Variants in EZH1 observed in about 807,000 individuals in gnomAD.
The protein encoded by EZH1 is enhancer of zeste 1 polycomb repressive complex 2 subunit.
EZH1 carries 33 observed loss-of-function variants against 100.5 expected under a neutral mutation model. The observed-to-expected ratio is 0.33, with a 90% CI of 0.25 to 0.44. The LOEUF (loss-of-function observed/expected upper bound fraction) is 0.44, where lower values mean the gene tolerates loss of function less well. Ranked by LOEUF, EZH1 falls within the 20% of genes least tolerant of loss-of-function variation. EZH1 has a pLI of 1.00. For missense variants in EZH1, 475 were observed against 928.4 expected, an observed-to-expected ratio of 0.51 and a Z score of 6.35; for synonymous variants, 272 against 313.8, an observed-to-expected ratio of 0.87 and a Z score of 1.41.
At chr17:42,705,234 G>T (rs778869160) in intron 16 of EZH1, 51 bp from the exon 17 acceptor site, 4 of 1,037,810 alleles carry the variant, frequency 3.9e-6, no homozygotes, top group Admixed American at 1.7e-5. Flanking sequence ...ATGAGTAGGG[G>T]GTGTGTGCTG....
intron 15 of EZH1, among the ~76,000 whole-genome samples, chr17:42,707,308 T>C (rs2053377245): frequency 6.6e-6 from 1 of 152,136 alleles, no homozygotes; most frequent in African/African-American, 2.4e-5. Context: ...TTGCCCAGGC[T>C]GGAGTGCAGT....
At chr17:42,727,214 G>A (rs2053838058) in intron 4 of EZH1, among the ~76,000 whole-genome samples, 1 of 152,098 alleles carries the variant, frequency 6.6e-6, no homozygotes, top group Admixed American at 6.6e-5. Flanking sequence ...TAAAATAGCT[G>A]TATCTATTAA....
At chr17:42,731,563 T>G (rs1048473819) in intron 1 of EZH1, among the ~76,000 whole-genome samples, 13 of 152,114 alleles carry the variant, frequency 8.5e-5, no homozygotes, top group African/African-American at 3.1e-4. Flanking sequence ...TTGGGTTTCT[T>G]AGATAACTAG....
At chr17:42,712,198 C>A (rs764216373) in intron 12 of EZH1, 91 bp downstream of exon 12, 4 of 1,380,402 alleles carry the variant, frequency 2.9e-6, no homozygotes, top group Non-Finnish European at 4.0e-6. Flanking sequence ...CTCTCCAGAC[C>A]CAGACACACA....
chr17:42,724,503 G>C lies in EZH1; in HGVS notation c.247-79C>G. ...AGAAATGTAATTTCCTTCCAAAATT[G>C]GCTGGGCATAGTGGCTCATGCCAGT... On this transcript the variant is annotated intron_variant, in intron 4 of 20. Transcript: ENST00000428826. 1.9e-6 allele frequency: 3 copies of C among 1,555,436 alleles called. No homozygotes were observed. In the South Asian group the frequency reaches 3.4e-5, roughly 18 times the overall value.
chr17:42,709,594 G>C, intron 13 of EZH1: 1 of 404,200 alleles, frequency 2.5e-6, no homozygotes, highest in South Asian at 4.6e-5. Flanking sequence ...ATGTCCTATT[G>C]GCCAGAAGCT....
chr17:42,707,722 G>A (rs984488016), intron 15 of EZH1, among the ~76,000 whole-genome samples: 1 of 152,072 alleles, frequency 6.6e-6, no homozygotes, highest in Non-Finnish European at 1.5e-5. Context: ...AGAAGACAAA[G>A]TTGGGAAAGT....
chr17:42,741,968 G>A (rs887311344), intron 1 of EZH1, among the ~76,000 whole-genome samples: 4 of 152,154 alleles, frequency 2.6e-5, no homozygotes, highest in Admixed American at 6.6e-5. Flanking sequence ...TGGGATTACA[G>A]GCATGAGCCA....
At chr17:42,732,406 G>A (rs143737107) in intron 1 of EZH1, among the ~76,000 whole-genome samples, 2 of 152,300 alleles carry the variant, frequency 1.3e-5, no homozygotes, top group East Asian at 3.9e-4. Context: ...GCCAAGCTGA[G>A]AGGATAGCCT....
At chr17:42,743,726 G>A (rs2054222814) in intron 1 of EZH1, among the ~76,000 whole-genome samples, 1 of 151,624 alleles carries the variant, frequency 6.6e-6, no homozygotes, top group Non-Finnish European at 1.5e-5. Context: ...TGGGCCTCCC[G>A]AATGCTGGGA....
At chr17:42,733,032 CAAA>C (rs35232752) in intron 1 of EZH1, among the ~76,000 whole-genome samples, 14 of 103,222 alleles carry the variant, frequency 1.4e-4, no homozygotes, top group African/African-American at 2.2e-4. Context: ...ACCATCTCTA[CAAA>C]AAAAAAAAAA....
At chr17:42,724,243 G>A (rs1292062818) in intron 5 of EZH1, 62 bp downstream of exon 5, 1 of 1,589,646 alleles carries the variant, frequency 6.3e-7, no homozygotes, top group Non-Finnish European at 8.6e-7. Context: ...GAGGAGCTCT[G>A]GCATATCAAC....
chr17:42,732,647 AGTCCCAGC>A (rs2053974115), intron 1 of EZH1, among the ~76,000 whole-genome samples: 2 of 152,128 alleles, frequency 1.3e-5, no homozygotes, highest in Non-Finnish European at 2.9e-5. Flanking sequence ...GGGCGCCTGT[AGTCCCAGC>A]TACTTGGGAG....
At chr17:42,730,347 G>A (rs2053914957) in intron 2 of EZH1, among the ~76,000 whole-genome samples, 1 of 152,118 alleles carries the variant, frequency 6.6e-6, no homozygotes, top group Non-Finnish European at 1.5e-5. Flanking sequence ...TTTACCACAT[G>A]CCTAGTAATA....
Position 42,719,227 on chromosome 17 carries a change from A to G in EZH1, c.665-20T>C. ...TGTTGCCTGAATTGGAAATGATAAA[A>G]AGCTCCTGAGTGCGATTATCAGAAC... is the stretch of plus-strand genomic sequence containing the variant. On this transcript the variant is annotated intron_variant, in intron 7 of 20. Coordinates refer to ENST00000428826, the MANE Select transcript of EZH1 (RefSeq NM_001991.5). The G allele has an allele frequency of 6.3e-7, 1 of 1,586,076 alleles. No homozygotes were observed. The highest frequency in any genetic ancestry group is 8.7e-7 in the Non-Finnish European group (1 of 1,154,922).
intron 1 of EZH1, among the ~76,000 whole-genome samples, chr17:42,736,237 G>A (rs1012296089): frequency 2.6e-5 from 4 of 152,208 alleles, no homozygotes; most frequent in Non-Finnish European, 5.9e-5. Flanking sequence ...TATAGCCACT[G>A]TGGAAGGCAG....
chr17:42,702,726 G>T, intron 20 of EZH1, 134 bp from the exon 21 acceptor site: 1 of 1,259,322 alleles, frequency 7.9e-7, no homozygotes, highest in Non-Finnish European at 1.1e-6. Context: ...CTGAGGCAAG[G>T]CACCAGATAT....
chr17:42,713,482 T>G (rs950643452), intron 10 of EZH1, 93 bp from the exon 11 acceptor site: 2 of 1,182,326 alleles, frequency 1.7e-6, no homozygotes, highest in African/African-American at 3.1e-5. Flanking sequence ...AACATCTGTC[T>G]ACAATAATAG....
At chr17:42,714,430 C>T in intron 10 of EZH1, 1 of 342,834 alleles carries the variant, frequency 2.9e-6, no homozygotes, top group South Asian at 2.8e-5. Context: ...CTGAAATCTG[C>T]ATGTGGCGTG....
Sources: gnomAD v4.1 joint callset for allele counts (sites outside exome capture counted in the v4.1 genomes callset) on GRCh38, gnomAD v4.1.1 for gene constraint, MANE v1.5 for transcripts, NCBI Gene and HGNC (gene_info 2026-07-23, HGNC 2026-07-21) for gene names.